The following SEZ6L2 variants were observed in gnomAD, a reference collection of about 807,000 sequenced individuals.
SEZ6L2 encodes seizure 6-like protein 2.
Under a neutral mutation model 97.0 loss-of-function variants are expected in SEZ6L2, and 44 were observed. The ratio of observed to expected loss-of-function variants is 0.45; its 90% confidence interval spans 0.36 to 0.58. The LOEUF is 0.58. Among genes scored for constraint, SEZ6L2 ranks in the 20% least tolerant of loss-of-function variants. The pLI is 0.00. For missense variants in SEZ6L2, 1,086 were observed against 1,233.3 expected (o/e 0.88, Z 1.79); for synonymous variants, 543 against 546.1 (o/e 0.99, Z 0.08).
chr16:29,892,769 C>T (rs1373674188), intron 5 of SEZ6L2, among the ~76,000 whole-genome samples: 1 of 152,262 alleles, frequency 6.6e-6, no homozygotes, highest in Non-Finnish European at 1.5e-5. Flanking sequence ...TCTCTGTCTC[C>T]ATGAAGCATA....
intron 11 of SEZ6L2, 98 bp downstream of exon 11, chr16:29,877,173 G>T: frequency 2.2e-6 from 3 of 1,341,956 alleles, no homozygotes; most frequent in Middle Eastern, 2.4e-4. Context: ...GCCTCCCAAG[G>T]CCCCGGGATA....
chr16:29,886,465 G>GGA (rs2068142324), intron 7 of SEZ6L2, among the ~76,000 whole-genome samples: 1 of 151,730 alleles, frequency 6.6e-6, no homozygotes, highest in Non-Finnish European at 1.5e-5. Context: ...CACGAGGTCA[G>GGA]GAGATCGAGA....
At chr16:29,872,816 C>G in intron 14 of SEZ6L2, 73 bp from the exon 15 acceptor site, 1 of 1,301,908 alleles carries the variant, frequency 7.7e-7, no homozygotes. Flanking sequence ...GCCGGGAGCC[C>G]GGTGGGGCTG....
At chr16:29,879,726 GAAGGGACAGGGATTTACCC>G (rs2067990130) in intron 9 of SEZ6L2, 119 bp downstream of exon 9, 1 of 779,218 alleles carries the variant, frequency 1.3e-6, no homozygotes, top group Non-Finnish European at 2.1e-6. Context: ...AACAGCCTCT[GAAGGGACAGGGATTTACCC>G]AAGGCTTGGG....
rs2067799024 is a variant in SEZ6L2 at position 29,872,245 on chromosome 16, T to C, written c.2684A>G (p.His895Arg). The C allele has an allele frequency of 6.2e-7, 1 of 1,611,964 alleles. No individual in the cohort carries two copies. Among genetic ancestry groups the C allele is most frequent in the Non-Finnish European group, 8.5e-7 (1 of 1,179,200 alleles). Residue 895 changes from histidine (H) to arginine (R), a missense_variant, in exon 17 of 18, where the codon CAC becomes CGC. Coordinates refer to ENST00000617533, the MANE Select transcript of SEZ6L2 (RefSeq NM_001243332.2). ...CTCCACGGTGATGGGGCTGTAGGAG[T>C]GGGAGCCCGAGAAGCCGAAAAGGGA... ...GKSLFGFSGS[H>R]SYSPITVESD... is the part of the protein sequence containing the mutation.
intron 14 of SEZ6L2, 147 bp from the exon 15 acceptor site, chr16:29,872,890 A>G: frequency 1.4e-6 from 1 of 691,550 alleles, no homozygotes; most frequent in Non-Finnish European, 2.4e-6. Flanking sequence ...TGTGGGGAAG[A>G]GAGAGGAGTG....
chr16:29,896,563 C>T (rs2068394793), intron 3 of SEZ6L2, among the ~76,000 whole-genome samples: 1 of 152,210 alleles, frequency 6.6e-6, no homozygotes, highest in African/African-American at 2.4e-5. Flanking sequence ...CAGGCTAGAG[C>T]CACCATGTCC....
Position 29,876,412 on chromosome 16 carries a change from T to A in SEZ6L2, c.2104+344A>T, listed in dbSNP as rs1388720661. The stretch of plus-strand genomic sequence containing the variant: ...CCCGGGGAGCCCAGTGGGAACCTGG[T>A]CGGAGCCCTTTTAGGGGCCAAACTC... On this transcript the variant is annotated intron_variant, in intron 12 of 17. Coordinates refer to ENST00000617533, the MANE Select transcript of SEZ6L2 (RefSeq NM_001243332.2). This position sits in a 1 kb window ranked among gnomAD's most constrained non-coding sequence, Gnocchi z 6.5. Among the ~76,000 whole-genome samples the A allele has an allele frequency of 1.3e-5, 2 of 151,396 alleles. No individual in the cohort carries two copies. Among genetic ancestry groups the A allele is most frequent in the Non-Finnish European group, 2.9e-5 (2 of 67,880 alleles).
At chr16:29,872,566 C>T (rs772222975) in intron 15 of SEZ6L2, 40 bp from the exon 16 acceptor site, 17 of 1,604,564 alleles carry the variant, frequency 1.1e-5, no homozygotes, top group Admixed American at 1.7e-5. Context: ...TGGCTGGGCC[C>T]GGTCCTGGGC....
chr16:29,898,046 T>G (rs1042997013), intron 1 of SEZ6L2, 62 bp from the exon 2 acceptor site: 1 of 1,602,076 alleles, frequency 6.2e-7, no homozygotes, highest in African/African-American at 1.3e-5. Flanking sequence ...TCCAGAGAGA[T>G]ATTTTCTAGA....
chr16:29,872,152 AGTGGTGGCTCTTCAGGGGCAGGCAAG>A lies in SEZ6L2; in HGVS notation c.2742+9_2742+34del, dbSNP rs761449375. 4.7e-6 allele frequency: 7 copies of A among 1,490,086 alleles called. No individual in the cohort carries two copies. The Admixed American group carries it at 1.0e-4, about 22-fold the overall frequency. The allele number at this position is 1,490,086 out of a possible 1,614,324, so 92.3% of individuals were successfully genotyped here. On this transcript the variant is annotated intron_variant, in intron 17 of 17. Transcript: ENST00000617533. ...AGGTTATGGAGTCCTGGGAGAGCCA[AGTGGTGGCTCTTCAGGGGCAGGCAAG>A]GTGCTTACCCCAGCTTCATACAGCG... is the stretch of plus-strand genomic sequence containing the variant.
At chr16:29,872,080 G>T in intron 17 of SEZ6L2, 107 bp downstream of exon 17, 2 of 911,580 alleles carry the variant, frequency 2.2e-6, no homozygotes, top group Non-Finnish European at 1.7e-6. Flanking sequence ...TCTGGGGGCA[G>T]CTGAGTTTGA....
intron 8 of SEZ6L2, among the ~76,000 whole-genome samples, chr16:29,880,548 C>T (rs2068009520): frequency 1.3e-5 from 2 of 151,926 alleles, no homozygotes; most frequent in Non-Finnish European, 2.9e-5. Context: ...CTCAAACTCC[C>T]GACCTCAGGT....
Position 29,876,699 on chromosome 16 carries a change from C to T in SEZ6L2, c.2104+57G>A. Reference sequence around the variant, plus strand: ...CGGGGGTCGGGACAGGACAGGCCGACGACGGGGCCCACAGGGAAGGGGCGG... The same window carrying T: ...CGGGGGTCGGGACAGGACAGGCCGATGACGGGGCCCACAGGGAAGGGGCGG... On this transcript the variant is annotated intron_variant, in intron 12 of 17. Transcript: ENST00000617533. The surrounding 1 kb of genome is among the most constrained non-coding windows in gnomAD (Gnocchi z 6.5). 1 of 1,458,376 alleles carries T rather than the reference C, an allele frequency of 6.9e-7. No homozygotes were observed. Among genetic ancestry groups the T allele is most frequent in the Non-Finnish European group, 9.2e-7 (1 of 1,092,468 alleles). The allele number at this position is 1,458,376 out of a possible 1,614,324, so 90.3% of individuals were successfully genotyped here. A position where few individuals can be genotyped will look rare whatever the true frequency, so the allele number is the denominator to read the frequency against.
In SEZ6L2 at chr16:29,873,207, G is replaced by A. The variant is rs2067823501; in HGVS notation, c.2488+33C>T. 1 of 1,609,234 alleles carries A rather than the reference G, an allele frequency of 6.2e-7. No individual in the cohort carries two copies. Among genetic ancestry groups the A allele is most frequent in the Non-Finnish European group, 8.5e-7 (1 of 1,177,290 alleles). ...CCAGCCCTGTCACTTCCCGGACACT[G>A]GTGTGCCCCTCCTGCCCTGTCTGGC... On this transcript the variant is annotated intron_variant, in intron 14 of 17. Coordinates refer to ENST00000617533, the MANE Select transcript of SEZ6L2 (RefSeq NM_001243332.2). The surrounding 1 kb of genome is among the most constrained non-coding windows in gnomAD (Gnocchi z 4.3).
intron 10 of SEZ6L2, 30 bp from the exon 11 acceptor site, chr16:29,877,497 G>A (rs771573534): frequency 6.5e-6 from 10 of 1,547,766 alleles, no homozygotes; most frequent in Non-Finnish European, 7.9e-6. Flanking sequence ...GCAATGGGGC[G>A]GGGCTGCGAC....
chr16:29,872,863 C>G (rs1240560722), intron 14 of SEZ6L2, 120 bp from the exon 15 acceptor site: 1 of 773,500 alleles, frequency 1.3e-6, no homozygotes, highest in Non-Finnish European at 2.1e-6. Context: ...CTCTGCTCAA[C>G]CTCAACTTTC....
intron 7 of SEZ6L2, 103 bp from the exon 8 acceptor site, chr16:29,885,852 A>G (rs76288685): frequency 0.011 from 12,731 of 1,152,274 alleles, 99 homozygotes; most frequent in Non-Finnish European, 0.014. Context: ...ATCATCACAC[A>G]TAACTATATG....
At chr16:29,885,262 G>A (rs373526024) in intron 8 of SEZ6L2, among the ~76,000 whole-genome samples, 4 of 151,908 alleles carry the variant, frequency 2.6e-5, no homozygotes, top group Admixed American at 6.6e-5. Flanking sequence ...TATGTAAGTC[G>A]GCAGCTATGT....
Sources: gnomAD v4.1 joint callset for allele counts (sites outside exome capture counted in the v4.1 genomes callset) on GRCh38, gnomAD v4.1.1 for gene constraint, Gnocchi (gnomAD v3.1) non-coding constraint, MANE v1.5 for transcripts, NCBI Gene and HGNC (gene_info 2026-07-23, HGNC 2026-07-21) for gene names.